Variants in GABRB3 observed in about 807,000 individuals in gnomAD.
GABRB3 encodes gamma-aminobutyric acid type A receptor subunit beta3, also known as gamma-aminobutyric acid receptor subunit beta-3.
In GABRB3, 14 loss-of-function variants were observed where a neutral mutation model predicts 52.1. The observed-to-expected ratio is 0.27, with a 90% CI of 0.18 to 0.42. GABRB3 has a LOEUF of 0.42. Ranked by LOEUF, GABRB3 falls within the 10% of genes least tolerant of loss-of-function variation. The pLI, the probability that GABRB3 is intolerant of heterozygous loss-of-function variation, is 1.00. For synonymous variants in GABRB3, 260 were observed against 232.3 expected, an observed-to-expected ratio of 1.12 and a Z score of -1.08; for missense variants, 307 against 609.1, an observed-to-expected ratio of 0.50 and a Z score of 5.22.
At chr15:26,628,351 G>A (rs1444177266) in intron 3 of GABRB3, among the ~76,000 whole-genome samples, 1 of 152,196 alleles carries the variant, frequency 6.6e-6, no homozygotes. Context: ...TGGGGGAGGC[G>A]AAGATGAACC....
intron 3 of GABRB3, among the ~76,000 whole-genome samples, chr15:26,733,178 G>C (rs533461843): frequency 6.6e-6 from 1 of 152,052 alleles, no homozygotes; most frequent in African/African-American, 2.4e-5. Context: ...AATAAATAAA[G>C]GGCATTCAAA....
chr15:26,560,881 T>C, intron 8 of GABRB3, 51 bp downstream of exon 8: 1 of 1,611,752 alleles, frequency 6.2e-7, no homozygotes, highest in East Asian at 2.2e-5. Flanking sequence ...GTAAATGCAG[T>C]AGCTGCTGAG....
intron 3 of GABRB3, among the ~76,000 whole-genome samples, chr15:26,634,422 C>T (rs1221739385): frequency 1.3e-5 from 2 of 152,150 alleles, no homozygotes; most frequent in Admixed American, 6.6e-5. Flanking sequence ...CATTCAGCCA[C>T]TATGTTCTGT....
At chr15:26,719,201 A>G (rs1889580332) in intron 3 of GABRB3, among the ~76,000 whole-genome samples, 2 of 152,252 alleles carry the variant, frequency 1.3e-5, no homozygotes, top group Admixed American at 1.3e-4. Context: ...GCATAGCGCT[A>G]GGCACATGGC....
At chr15:26,766,160 A>G (rs1436872183) in intron 3 of GABRB3, among the ~76,000 whole-genome samples, 1 of 152,232 alleles carries the variant, frequency 6.6e-6, no homozygotes, top group East Asian at 1.9e-4. Context: ...ATGAATGACA[A>G]AAGATTTCAA....
At chr15:26,648,395 G>A (rs1003737193) in intron 3 of GABRB3, among the ~76,000 whole-genome samples, 1 of 152,312 alleles carries the variant, frequency 6.6e-6, no homozygotes, top group South Asian at 2.1e-4. Context: ...GTGCCTGTGG[G>A]GCAAACTAGG....
intron 3 of GABRB3, among the ~76,000 whole-genome samples, chr15:26,713,035 GT>G (rs1889352102): frequency 6.6e-6 from 1 of 152,238 alleles, no homozygotes; most frequent in Admixed American, 6.5e-5. Context: ...GAGTTCCAGG[GT>G]CAGGTAGGGG....
chr15:26,687,711 T>C (rs2140658780), intron 3 of GABRB3, among the ~76,000 whole-genome samples: 1 of 152,342 alleles, frequency 6.6e-6, no homozygotes, highest in Admixed American at 6.5e-5. Context: ...ATGGGGCAGG[T>C]CTTGCATTTT....
Position 26,543,693 on chromosome 15 carries a change from TTA to T in GABRB3, c.*4098_*4099del, listed in dbSNP as rs1889115934. On this transcript the variant is annotated 3_prime_UTR_variant, in exon 9 of 9. Coordinates refer to ENST00000311550, the MANE Select transcript of GABRB3 (RefSeq NM_000814.6). ...TGCTTAAGCAAAACTGGGTTTAAATTTATCTTTACAATAAAATGAAATCAACA... is the reference window on the plus strand; with the variant it reads ...TGCTTAAGCAAAACTGGGTTTAAATTTCTTTACAATAAAATGAAATCAACA... 6.6e-6 allele frequency: 1 copy of T among 152,650 alleles called. No homozygotes were observed. The highest frequency in any genetic ancestry group is 2.1e-4 in the South Asian group (1 of 4,830). The allele number at this position is 152,650 out of a possible 1,614,324, so 9.5% of individuals were successfully genotyped here.
chr15:26,676,418 C>G (rs553512520), intron 3 of GABRB3, among the ~76,000 whole-genome samples: 1 of 152,068 alleles, frequency 6.6e-6, no homozygotes, highest in Non-Finnish European at 1.5e-5. Flanking sequence ...CTCCCAGACA[C>G]GAAACAGAAC....
Position 26,586,704 on chromosome 15 carries a change from A to AAAAAAAAAG in GABRB3, c.462-3291_462-3290insCTTTTTTTT, listed in dbSNP as rs558336153. 2.8e-4 allele frequency among the ~76,000 whole-genome samples: 29 copies of AAAAAAAAAG among 102,296 alleles called. 1 individual carries two copies. Among genetic ancestry groups the AAAAAAAAAG allele is most frequent in the East Asian group, 8.1e-4 (2 of 2,470 alleles). 67.1% of individuals were successfully genotyped at this position (102,296 alleles called of 152,430 possible). A position where few individuals can be genotyped will look rare whatever the true frequency, so the allele number is the denominator to read the frequency against. ...TCCATCTCAAAAAAAAAAAAAAAAA[A>AAAAAAAAAG]AGAGAGAGAGAGAAAGCGAAGAAGG... On this transcript the variant is annotated intron_variant, in intron 4 of 8. Coordinates refer to ENST00000311550, the MANE Select transcript of GABRB3 (RefSeq NM_000814.6).
chr15:26,747,992 T>A (rs1890397077), intron 3 of GABRB3, among the ~76,000 whole-genome samples: 1 of 141,562 alleles, frequency 7.1e-6, no homozygotes, highest in African/African-American at 2.5e-5. Context: ...TACAATTTTT[T>A]TCTTTAGCCT....
intron 4 of GABRB3, among the ~76,000 whole-genome samples, chr15:26,598,880 G>A (rs2140776044): frequency 6.6e-6 from 1 of 152,256 alleles, no homozygotes; most frequent in African/African-American, 2.4e-5. Context: ...TCATATACTA[G>A]CCACAAAGCT....
chr15:26,696,381 CTGT>C (rs953339567), intron 3 of GABRB3, among the ~76,000 whole-genome samples: 23 of 148,426 alleles, frequency 1.5e-4, no homozygotes, highest in Admixed American at 1.5e-3. Context: ...ATTATAATTA[CTGT>C]TATTATTATT....
intron 3 of GABRB3, among the ~76,000 whole-genome samples, chr15:26,704,940 T>C (rs7181473): frequency 0.55 from 84,365 of 152,042 alleles, 24,685 homozygotes; most frequent in East Asian, 0.8. Flanking sequence ...CACTGCAATA[T>C]AGGCTTTTTT....
At chr15:26,579,436 T>C (rs1890709502) in intron 6 of GABRB3, among the ~76,000 whole-genome samples, 1 of 152,196 alleles carries the variant, frequency 6.6e-6, no homozygotes, top group Non-Finnish European at 1.5e-5. Flanking sequence ...GCTAGCCACA[T>C]GAAGGCGAAG....
chr15:26,707,616 G>A (rs752704505), intron 3 of GABRB3, among the ~76,000 whole-genome samples: 1 of 152,282 alleles, frequency 6.6e-6, no homozygotes, highest in African/African-American at 2.4e-5. Flanking sequence ...GATGTGGAAG[G>A]CATTGCCACA....
At chr15:26,730,831 T>C (rs956131898) in intron 3 of GABRB3, among the ~76,000 whole-genome samples, 1 of 152,212 alleles carries the variant, frequency 6.6e-6, no homozygotes, top group Non-Finnish European at 1.5e-5. Context: ...AGTTTCCTCA[T>C]ATGTAAAACA....
intron 3 of GABRB3, among the ~76,000 whole-genome samples, chr15:26,655,202 A>G (rs1214606596): frequency 6.6e-6 from 1 of 152,194 alleles, no homozygotes; most frequent in Non-Finnish European, 1.5e-5. Context: ...TTTGTGCTGC[A>G]TGCTTCACAT....
Sources: gnomAD v4.1 joint callset for allele counts (sites outside exome capture counted in the v4.1 genomes callset) on GRCh38, gnomAD v4.1.1 for gene constraint, MANE v1.5 for transcripts, NCBI Gene and HGNC (gene_info 2026-07-23, HGNC 2026-07-21) for gene names.